The following WDTC1 variants were observed in gnomAD, a reference collection of about 807,000 sequenced individuals.
The protein encoded by WDTC1 is WD and tetratricopeptide repeats protein 1.
Under a neutral mutation model 76.0 loss-of-function variants are expected in WDTC1, and 12 were observed. The observed-to-expected ratio is 0.16, with a 90% CI of 0.10 to 0.26. The LOEUF (loss-of-function observed/expected upper bound fraction) is 0.26. WDTC1 is among the 10% of genes least tolerant of loss of function. The pLI, the probability that WDTC1 is intolerant of heterozygous loss-of-function variation, is 1.00. For synonymous variants in WDTC1, 326 were observed against 350.8 expected, an observed-to-expected ratio of 0.93 and a Z score of 0.79; for missense variants, 511 against 908.8, an observed-to-expected ratio of 0.56 and a Z score of 5.63.
At chr1:27,234,977 C>G in intron 1 of WDTC1, 26 bp downstream of exon 1, 2 of 386,414 alleles carry the variant, frequency 5.2e-6, no homozygotes, top group East Asian at 3.7e-5. Context: ...GCCCCCTGCC[C>G]TCCGCGGGCG....
chr1:27,285,816 G>C (rs1289590737), intron 5 of WDTC1, among the ~76,000 whole-genome samples: 1 of 151,452 alleles, frequency 6.6e-6, no homozygotes, highest in Non-Finnish European at 1.5e-5. Flanking sequence ...TTGAATTCCC[G>C]ACCTCAGGTG....
chr1:27,297,545 G>A (rs1347176644), intron 11 of WDTC1, among the ~76,000 whole-genome samples: 1 of 152,196 alleles, frequency 6.6e-6, no homozygotes, highest in Admixed American at 6.5e-5. Context: ...TTTGGATACA[G>A]AGGCGCTCAA....
rs1041503553 is a variant in WDTC1 at position 27,234,783 on chromosome 1, C to T, written c.-268C>T. Reference sequence around the variant, plus strand: ...GGGGCGGGCGGAGGCGCTGTCCGGCCCCGGCCAGGCGCCGGGCGGGGAGCA... The same window carrying T: ...GGGGCGGGCGGAGGCGCTGTCCGGCTCCGGCCAGGCGCCGGGCGGGGAGCA... On this transcript the variant is annotated 5_prime_UTR_variant, in exon 1 of 16. Transcript: ENST00000319394. 3.8e-5 allele frequency: 15 copies of T among 397,660 alleles called. No homozygotes were observed. Among genetic ancestry groups the T allele is most frequent in the Non-Finnish European group, 5.8e-5 (13 of 225,908 alleles). The allele number at this position is 397,660 out of a possible 1,614,324, so 24.6% of individuals were successfully genotyped here.
intron 1 of WDTC1, among the ~76,000 whole-genome samples, chr1:27,247,873 C>CA (rs1453463464): frequency 6.6e-6 from 1 of 152,076 alleles, no homozygotes; most frequent in Non-Finnish European, 1.5e-5. Context: ...CACCTGACAC[C>CA]ATGCCTGCCT....
chr1:27,285,748 G>A (rs1410100445), intron 5 of WDTC1, among the ~76,000 whole-genome samples: 4 of 150,756 alleles, frequency 2.7e-5, no homozygotes, highest in Admixed American at 6.6e-5. Context: ...CACCACACCC[G>A]GCTAATTTTT....
At chr1:27,300,186 C>T (rs550143423) in intron 12 of WDTC1, among the ~76,000 whole-genome samples, 76 of 152,288 alleles carry the variant, frequency 5.0e-4, no homozygotes, top group South Asian at 2.3e-3. Flanking sequence ...GAAGGAGGCT[C>T]AGGAAGAACC....
Position 27,234,811 on chromosome 1 carries a change from G to C in WDTC1, c.-240G>C. On this transcript the variant is annotated 5_prime_UTR_variant, in exon 1 of 16. Coordinates refer to ENST00000319394, the MANE Select transcript of WDTC1 (RefSeq NM_001276252.2). ...GGCCAGGCGCCGGGCGGGGAGCATG[G>C]GAAGGGGCTAGAACTGCTCGAGCCC... 1 of 398,276 alleles carries C rather than the reference G, an allele frequency of 2.5e-6. No individual in the cohort carries two copies. The highest frequency in any genetic ancestry group is 4.4e-6 in the Non-Finnish European group (1 of 225,986). 24.7% of individuals were successfully genotyped at this position (398,276 alleles called of 1,614,324 possible).
chr1:27,258,847 A>G lies in WDTC1; in HGVS notation c.-99-2109A>G, dbSNP rs573020502. Among the ~76,000 whole-genome samples, 12 of 152,318 alleles carry G rather than the reference A, an allele frequency of 7.9e-5. No homozygotes were observed. The East Asian group carries it at 2.3e-3, about 29-fold the overall frequency. On this transcript the variant is annotated intron_variant, in intron 1 of 15. Coordinates refer to ENST00000319394, the MANE Select transcript of WDTC1 (RefSeq NM_001276252.2). ...GAGGAGGCCAGCTGGTGAGAGATTG[A>G]AAAGTAGCCCTGTGAGGTCCTAATG...
At chr1:27,252,013 A>G (rs1361940855) in intron 1 of WDTC1, among the ~76,000 whole-genome samples, 2 of 151,748 alleles carry the variant, frequency 1.3e-5, no homozygotes, top group Non-Finnish European at 2.9e-5. Context: ...GCGCCACTGC[A>G]CTCCAGCCTG....
At chr1:27,278,247 T>A (rs1163645551) in intron 3 of WDTC1, among the ~76,000 whole-genome samples, 1 of 152,214 alleles carries the variant, frequency 6.6e-6, no homozygotes, top group Non-Finnish European at 1.5e-5. Context: ...GCTCTAGTGA[T>A]TCAATGGTAG....
intron 1 of WDTC1, among the ~76,000 whole-genome samples, chr1:27,248,244 G>A (rs1054700087): frequency 6.6e-6 from 1 of 152,154 alleles, no homozygotes; most frequent in Non-Finnish European, 1.5e-5. Context: ...TTCCACAATG[G>A]TTGAACTAAT....
intron 6 of WDTC1, among the ~76,000 whole-genome samples, chr1:27,288,289 A>G (rs1333590043): frequency 6.6e-6 from 1 of 152,132 alleles, no homozygotes; most frequent in Non-Finnish European, 1.5e-5. Flanking sequence ...TGTTTTAACA[A>G]TTATATCCTC....
At chr1:27,258,767 A>G (rs1484563686) in intron 1 of WDTC1, among the ~76,000 whole-genome samples, 2 of 152,216 alleles carry the variant, frequency 1.3e-5, no homozygotes, top group Non-Finnish European at 2.9e-5. Context: ...TGGTTAAATG[A>G]CAGAGGAAAG....
chr1:27,302,080 G>A (rs1335417643), intron 13 of WDTC1, among the ~76,000 whole-genome samples: 1 of 152,160 alleles, frequency 6.6e-6, no homozygotes, highest in East Asian at 1.9e-4. Flanking sequence ...AACGTGAACG[G>A]TGAGCTCATA....
chr1:27,280,912 G>GT (rs1200907009), intron 3 of WDTC1, among the ~76,000 whole-genome samples: 1 of 151,404 alleles, frequency 6.6e-6, no homozygotes, highest in Non-Finnish European at 1.5e-5. Flanking sequence ...TGACATTCCT[G>GT]TTTTTTTCTG....
chr1:27,289,457 T>C (rs1276068611), intron 6 of WDTC1, among the ~76,000 whole-genome samples: 10 of 133,444 alleles, frequency 7.5e-5, no homozygotes, highest in South Asian at 2.5e-4. Flanking sequence ...CCTCACTTCC[T>C]AGATGGGATG....
intron 5 of WDTC1, among the ~76,000 whole-genome samples, chr1:27,284,404 A>G (rs2147963913): frequency 6.6e-6 from 1 of 152,256 alleles, no homozygotes; most frequent in Middle Eastern, 3.4e-3. Context: ...TCTAAGAAAT[A>G]TTTTCGTAAT....
At chr1:27,288,129 C>T (rs2013397242) in intron 6 of WDTC1, among the ~76,000 whole-genome samples, 1 of 152,118 alleles carries the variant, frequency 6.6e-6, no homozygotes, top group African/African-American at 2.4e-5. Context: ...TGCCTCTGGG[C>T]ATTCACGTTA....
rs769245642 is a variant in WDTC1 at position 27,306,414 on chromosome 1, A to G, written c.*31A>G. 4 of 1,601,694 alleles carry G rather than the reference A, an allele frequency of 2.5e-6. No homozygotes were observed. The highest frequency in any genetic ancestry group is 2.5e-6 in the Non-Finnish European group (3 of 1,176,618). ...CCAGCCCTGGTCCCCAGCCCCTGCT[A>G]CTGGCTGGACCCTCTGCCCTGGGCA... is the stretch of plus-strand genomic sequence containing the variant. On this transcript the variant is annotated 3_prime_UTR_variant, in exon 16 of 16. Coordinates refer to ENST00000319394, the MANE Select transcript of WDTC1 (RefSeq NM_001276252.2). The surrounding 1 kb of genome is among the most constrained non-coding windows in gnomAD (Gnocchi z 5.0).
Sources: allele counts gnomAD v4.1 joint callset (sites outside exome capture counted in the v4.1 genomes callset), GRCh38; gene constraint gnomAD v4.1.1; non-coding constraint Gnocchi (gnomAD v3.1); transcripts MANE v1.5; gene names NCBI Gene and HGNC (gene_info 2026-07-23, HGNC 2026-07-21).